The following CLASRP variants were observed in gnomAD, a reference collection of about 807,000 sequenced individuals.
CLASRP encodes the protein CLK4 associating serine/arginine rich protein, also known as CLK4-associating serine/arginine rich protein.
In CLASRP, 52 loss-of-function variants were observed where a neutral mutation model predicts 99.9. The ratio of observed to expected loss-of-function variants is 0.52; its 90% CI spans 0.42 to 0.66. The LOEUF is 0.66. Among genes scored for constraint, CLASRP ranks in the 30% least tolerant of loss-of-function variants. The pLI is 0.00. For missense variants in CLASRP, 848 were observed against 999.2 expected (o/e 0.85, Z 2.04); for synonymous variants, 379 against 373.0 (o/e 1.02, Z -0.18).
At chr19:45,070,441 C>T in intron 19 of CLASRP, 96 bp from the exon 20 acceptor site, 1 of 1,086,682 alleles carries the variant, frequency 9.2e-7, no homozygotes, top group East Asian at 2.4e-5. Context: ...TTGGAGACAA[C>T]CCCTGAAGTT....
Position 45,062,148 on chromosome 19 carries a change from C to T in CLASRP, c.864-6C>T, listed in dbSNP as rs775154995. The T allele has an allele frequency of 6.6e-7, 1 of 1,515,478 alleles. No homozygotes were observed. The highest frequency in any genetic ancestry group is 9.2e-7 in the Non-Finnish European group (1 of 1,090,366). 93.9% of individuals were successfully genotyped at this position (1,515,478 alleles called of 1,614,324 possible). On this transcript the variant is annotated splice_region_variant and splice_polypyrimidine_tract_variant and intron_variant, in intron 10 of 20. Coordinates refer to ENST00000221455, the MANE Select transcript of CLASRP (RefSeq NM_007056.3). ...AATTTGTCCCACCCCATTCTTTTCTCTGTAGCTATGCCCGCCGAGACAGCC... is the reference window on the plus strand; with the variant it reads ...AATTTGTCCCACCCCATTCTTTTCTTTGTAGCTATGCCCGCCGAGACAGCC...
intron 15 of CLASRP, 178 bp downstream of exon 15, chr19:45,068,232 A>G (rs1967138736): frequency 1.5e-6 from 1 of 669,544 alleles, no homozygotes; most frequent in Admixed American, 2.2e-5. Flanking sequence ...TCCTCACTGT[A>G]CACTGGGGCT....
In CLASRP at chr19:45,060,183, T is replaced by C. The variant is rs1600107572; in HGVS notation, c.711-206T>C. On this transcript the variant is annotated intron_variant, in intron 8 of 20. Transcript: ENST00000221455. This position sits in a 1 kb window ranked among gnomAD's most constrained non-coding sequence, Gnocchi z 4.6. ...GTAAGCCCGTGCAGGTGAGGATTTCTGTTTTTTTTTTTCAGTGCTCAGTTC... is the reference window on the plus strand; with the variant it reads ...GTAAGCCCGTGCAGGTGAGGATTTCCGTTTTTTTTTTTCAGTGCTCAGTTC... Among the ~76,000 whole-genome samples the C allele has an allele frequency of 6.6e-6, 1 of 152,130 alleles. No homozygotes were observed. The highest frequency in any genetic ancestry group is 1.5e-5 in the Non-Finnish European group (1 of 68,012).
intron 2 of CLASRP, among the ~76,000 whole-genome samples, chr19:45,051,739 C>T (rs551982241): frequency 2.0e-4 from 31 of 152,074 alleles, no homozygotes; most frequent in Admixed American, 1.7e-3. Flanking sequence ...GAGGCTGAGG[C>T]GGGTGGATCA....
At chr19:45,040,986 G>T (rs1489468959) in intron 2 of CLASRP, among the ~76,000 whole-genome samples, 1 of 151,846 alleles carries the variant, frequency 6.6e-6, no homozygotes, top group Non-Finnish European at 1.5e-5. Context: ...ACTTTGGGAG[G>T]CCGAGGTGGA....
At chr19:45,064,737 C>T (rs1005151361) in intron 13 of CLASRP, 107 bp downstream of exon 13, 33 of 1,443,218 alleles carry the variant, frequency 2.3e-5, no homozygotes, top group Non-Finnish European at 2.7e-5. Context: ...GCTCAGAGAA[C>T]ACCCCATCTA....
At position 45,070,092 on chromosome 19, in the gene CLASRP, T is replaced by TC; in HGVS notation, c.1951dup (p.Arg651ProfsTer44). 6.3e-7 allele frequency: 1 copy of TC among 1,587,032 alleles called. No homozygotes were observed. ...GTACAGCCGGCAGAGCCGCTCACCC[T>TC]CCCCCCGATACAGTGAGTGTCCCCA... On this transcript the variant is annotated frameshift_variant, in exon 19 of 21. Coordinates refer to ENST00000221455, the MANE Select transcript of CLASRP (RefSeq NM_007056.3). LOFTEE classifies it high-confidence loss of function.
At chr19:45,041,855 C>G (rs973695944) in intron 2 of CLASRP, among the ~76,000 whole-genome samples, 1 of 152,194 alleles carries the variant, frequency 6.6e-6, no homozygotes, top group Non-Finnish European at 1.5e-5. Flanking sequence ...CTTGCTATTC[C>G]TCCACTGACC....
Position 45,064,133 on chromosome 19 carries a change from G to A in CLASRP, c.1027G>A (p.Ala343Thr), listed in dbSNP as rs1273816736. The A allele has an allele frequency of 6.2e-7, 1 of 1,610,350 alleles. No homozygotes were observed. Among genetic ancestry groups the A allele is most frequent in the Non-Finnish European group, 8.5e-7 (1 of 1,179,356 alleles). ...CAGCGATGAGGAGGCAGCCGCAGCCGCTGCTGCCGCAGCAGCATCAGGAGT... is the reference window on the plus strand; with the variant it reads ...CAGCGATGAGGAGGCAGCCGCAGCCACTGCTGCCGCAGCAGCATCAGGAGT... Reference protein sequence around the residue: ...GGSDEEAAAAAAAAAASGVTT... With the variant: ...GGSDEEAAAATAAAAASGVTT... The change falls in exon 12 of 21, where the codon GCT becomes ACT. Residue 343 changes from alanine to threonine, a missense_variant. Transcript: ENST00000221455.
intron 2 of CLASRP, 62 bp downstream of exon 2, chr19:45,040,373 C>A (rs1971788980): frequency 8.5e-7 from 1 of 1,177,704 alleles, no homozygotes; most frequent in Non-Finnish European, 1.2e-6. Context: ...AGCTGGTCAT[C>A]CTGGTAAAAT....
chr19:45,057,866 A>C lies in CLASRP; in HGVS notation c.581A>C (p.Asn194Thr). 1.9e-6 allele frequency: 3 copies of C among 1,613,906 alleles called. No homozygotes were observed. The highest frequency in any genetic ancestry group is 1.1e-5 in the South Asian group (1 of 91,078). ...GAGTCAGCGGCCGAGGAGGAGAGCA[A>C]CTCGGACGAAGATGAGGTCATCCCC... ...EEESAAEEESNSDEDEVIPDI... is the reference protein window; with the variant it reads ...EEESAAEEESTSDEDEVIPDI... Residue 194 changes from asparagine (N) to threonine (T), a missense_variant, in exon 7 of 21, where the codon AAC (asparagine) becomes ACC (threonine). Transcript: ENST00000221455.
chr19:45,059,236 C>G (rs538127445), intron 7 of CLASRP, 32 bp from the exon 8 acceptor site: 1 of 1,580,248 alleles, frequency 6.3e-7, no homozygotes. Flanking sequence ...CTCGCTCGGC[C>G]GTGGCTCCTG....
At chr19:45,059,622 G>A (rs529587555) in intron 8 of CLASRP, among the ~76,000 whole-genome samples, 61 of 152,296 alleles carry the variant, frequency 4.0e-4, no homozygotes, top group African/African-American at 1.3e-3. Flanking sequence ...TCGAAGCTCT[G>A]GGGATTCCTA....
chr19:45,068,384 C>A lies in CLASRP; in HGVS notation c.1708-36C>A, dbSNP rs1269126666. The A allele has an allele frequency of 1.4e-5, 16 of 1,132,468 alleles. No homozygotes were observed. The Admixed American group carries it at 2.7e-4, about 19-fold the overall frequency. 70.2% of individuals were successfully genotyped at this position (1,132,468 alleles called of 1,614,324 possible). ...GTGGGTTGTGGGAGCTCTGGGACAC[C>A]CACCCCCTCTCCCGCCTCTTCTCCC... On this transcript the variant is annotated intron_variant, in intron 15 of 20. Transcript: ENST00000221455.
In CLASRP at chr19:45,060,731, AG is replaced by A; in HGVS notation, c.863+106del. On this transcript the variant is annotated intron_variant, in intron 10 of 20. Transcript: ENST00000221455. The surrounding 1 kb of genome is among the most constrained non-coding windows in gnomAD (Gnocchi z 4.6). Reference sequence around the variant, plus strand: ...TGGAGGCAGGCATTTGACTTGAGAAAGGAGTCTTTCTAGTGGGGCGATGCAT... The same window carrying A: ...TGGAGGCAGGCATTTGACTTGAGAAAGAGTCTTTCTAGTGGGGCGATGCAT... 3.2e-6 allele frequency: 3 copies of A among 933,466 alleles called. No individual in the cohort carries two copies. The highest frequency in any genetic ancestry group is 4.8e-6 in the Non-Finnish European group (3 of 626,260). 57.8% of individuals were successfully genotyped at this position (933,466 alleles called of 1,614,324 possible).
chr19:45,040,022 C>A, intron 1 of CLASRP, 162 bp from the exon 2 acceptor site: 1 of 501,964 alleles, frequency 2.0e-6, no homozygotes, highest in Non-Finnish European at 3.6e-6. Context: ...TAGGGATGGA[C>A]TTGAACATCT....
chr19:45,070,298 C>T lies in CLASRP; in HGVS notation c.1957+194C>T, dbSNP rs1967207782. ...CCAGCCTGACCAACATGGTGACACA[C>T]ATACGTACACACACACACACACAGA... On this transcript the variant is annotated intron_variant, in intron 19 of 20. Coordinates refer to ENST00000221455, the MANE Select transcript of CLASRP (RefSeq NM_007056.3). Among the ~76,000 whole-genome samples, 3 of 152,152 alleles carry T rather than the reference C, an allele frequency of 2.0e-5. No individual in the cohort carries two copies. In the South Asian group the frequency reaches 6.2e-4, roughly 32 times the overall value.
chr19:45,054,366 C>G (rs576840399), intron 5 of CLASRP, among the ~76,000 whole-genome samples: 11 of 152,234 alleles, frequency 7.2e-5, no homozygotes, highest in Non-Finnish European at 1.3e-4. Flanking sequence ...TCTCCTGCCT[C>G]AGCCTCCCAA....
At chr19:45,068,199 G>A in intron 15 of CLASRP, 145 bp downstream of exon 15, 1 of 728,056 alleles carries the variant, frequency 1.4e-6, no homozygotes, top group Non-Finnish European at 2.4e-6. Context: ...GTCTGCCCCT[G>A]TGAGAACCAT....
Sources: gnomAD v4.1 joint callset for allele counts (sites outside exome capture counted in the v4.1 genomes callset) on GRCh38, gnomAD v4.1.1 for gene constraint, Gnocchi (gnomAD v3.1) non-coding constraint, MANE v1.5 for transcripts, NCBI Gene and HGNC (gene_info 2026-07-23, HGNC 2026-07-21) for gene names.